Variants in SOCS5 observed in about 807,000 individuals in gnomAD.
The protein encoded by SOCS5 is CIS-6.
In SOCS5, 32 loss-of-function variants were observed where a neutral mutation model predicts 42.8. That is an observed-to-expected ratio of 0.75 (90% CI 0.56 to 1.01). The LOEUF (loss-of-function observed/expected upper bound fraction) is 1.01, where lower values mean the gene tolerates loss of function less well. SOCS5 is among the 50% of genes least tolerant of loss of function. The pLI is 0.00. For synonymous variants in SOCS5, 283 were observed against 229.6 expected (o/e 1.23, Z -2.10); for missense variants, 627 against 653.0 (o/e 0.96, Z 0.43).
intron 1 of SOCS5, among the ~76,000 whole-genome samples, chr2:46,708,069 A>G (rs974830395): frequency 1.1e-4 from 17 of 152,322 alleles, no homozygotes; most frequent in African/African-American, 3.8e-4. Flanking sequence ...TGTAATACAC[A>G]TGGCAAGGTG....
rs143623337 is a variant in SOCS5 at position 46,724,874 on chromosome 2, T to C, written c.-13+25425T>C. ...GGTAGAATGTTTTGTAGATGTCAAC[T>C]AGATACAGTTGGTTGATGGTGTTCT... On this transcript the variant is annotated intron_variant, in intron 1 of 1. Coordinates refer to ENST00000394861, the MANE Select transcript of SOCS5 (RefSeq NM_144949.3). 9.9e-4 allele frequency among the ~76,000 whole-genome samples: 150 copies of C among 152,166 alleles called. 1 individual carries two copies. The East Asian group carries it at 0.018, about 18-fold the overall frequency.
chr2:46,754,591 G>A (rs536668959), intron 1 of SOCS5, among the ~76,000 whole-genome samples: 2 of 152,096 alleles, frequency 1.3e-5, no homozygotes, highest in South Asian at 2.1e-4. Flanking sequence ...TTAGAGGACT[G>A]CACCTCTTTT....
chr2:46,727,041 C>T (rs955789890), intron 1 of SOCS5, among the ~76,000 whole-genome samples: 2 of 152,028 alleles, frequency 1.3e-5, no homozygotes, highest in African/African-American at 2.4e-5. Flanking sequence ...CAGGCATGAG[C>T]CATTGTGCCC....
chr2:46,746,095 T>C (rs1055114108), intron 1 of SOCS5, among the ~76,000 whole-genome samples: 1 of 151,978 alleles, frequency 6.6e-6, no homozygotes, highest in African/African-American at 2.4e-5. Context: ...ATCAATATTA[T>C]GAAGGATGCT....
chr2:46,756,707 A>G lies in SOCS5; in HGVS notation c.-12-1812A>G, dbSNP rs117189145. On this transcript the variant is annotated intron_variant, in intron 1 of 1. Coordinates refer to ENST00000394861, the MANE Select transcript of SOCS5 (RefSeq NM_144949.3). ...ATTTTAAAATAAATGAGAAGAAACT[A>G]GGCTAGAAAGGGGCTAGGATATTGG... Among the ~76,000 whole-genome samples, 313 of 152,352 alleles carry G rather than the reference A, an allele frequency of 2.1e-3. 1 individual carries two copies. The East Asian group carries it at 0.033, about 16-fold the overall frequency.
intron 1 of SOCS5, among the ~76,000 whole-genome samples, chr2:46,758,316 C>T (rs1257468476): frequency 6.6e-6 from 1 of 152,156 alleles, no homozygotes; most frequent in Non-Finnish European, 1.5e-5. Context: ...CTGGCTTGAA[C>T]AAGGTCAGTG....
At chr2:46,743,151 A>G (rs1457956308) in intron 1 of SOCS5, among the ~76,000 whole-genome samples, 3 of 152,044 alleles carry the variant, frequency 2.0e-5, no homozygotes, top group Non-Finnish European at 4.4e-5. Flanking sequence ...TCCACTGCAT[A>G]TATGTATTAT....
At chr2:46,737,329 A>G (rs1178915121) in intron 1 of SOCS5, among the ~76,000 whole-genome samples, 1 of 152,226 alleles carries the variant, frequency 6.6e-6, no homozygotes, top group Non-Finnish European at 1.5e-5. Flanking sequence ...TGACTGGACA[A>G]TGAGAAGAAA....
At chr2:46,727,067 T>A (rs1673013502) in intron 1 of SOCS5, among the ~76,000 whole-genome samples, 1 of 151,870 alleles carries the variant, frequency 6.6e-6, no homozygotes, top group Non-Finnish European at 1.5e-5. Flanking sequence ...AAAATTTTCA[T>A]TCTGTTCTAT....
chr2:46,736,715 G>T (rs952678477), intron 1 of SOCS5, among the ~76,000 whole-genome samples: 2 of 152,122 alleles, frequency 1.3e-5, no homozygotes, highest in East Asian at 3.9e-4. Flanking sequence ...GTTTGTCCAT[G>T]CATATGTTGA....
intron 1 of SOCS5, among the ~76,000 whole-genome samples, chr2:46,752,237 A>G (rs924071185): frequency 2.6e-5 from 4 of 151,364 alleles, no homozygotes; most frequent in African/African-American, 9.7e-5. Flanking sequence ...GCAGCATTAG[A>G]TGCTCATAGG....
chr2:46,744,503 A>G (rs971434450), intron 1 of SOCS5, among the ~76,000 whole-genome samples: 2 of 151,828 alleles, frequency 1.3e-5, no homozygotes, highest in African/African-American at 4.8e-5. Context: ...ATATTTCCAA[A>G]CTAGTTCTTT....
Position 46,729,516 on chromosome 2 carries a change from A to T in SOCS5, c.-12-29003A>T, listed in dbSNP as rs543381086. 2.0e-5 allele frequency among the ~76,000 whole-genome samples: 3 copies of T among 152,344 alleles called. No homozygotes were observed. The South Asian group carries it at 6.2e-4, about 32-fold the overall frequency. ...ACCTGTATAGCCTGTTACTGTACTG[A>T]ATACTCTAGACAGTTGTATCACAAT... On this transcript the variant is annotated intron_variant, in intron 1 of 1. Coordinates refer to ENST00000394861, the MANE Select transcript of SOCS5 (RefSeq NM_144949.3).
rs56033619 is a variant in SOCS5 at position 46,756,637 on chromosome 2, G to C, written c.-12-1882G>C. On this transcript the variant is annotated intron_variant, in intron 1 of 1. Coordinates refer to ENST00000394861, the MANE Select transcript of SOCS5 (RefSeq NM_144949.3). ...TGTTAAGAGTCTTGTAGTGACATTT[G>C]ACCTTGAAACTACAAATATATGAAT... 9.1e-3 allele frequency among the ~76,000 whole-genome samples: 1,386 copies of C among 152,218 alleles called. 15 individuals are homozygous for C. Among genetic ancestry groups the C allele is most frequent in the Middle Eastern group, 0.024 (7 of 294 alleles).
Position 46,759,795 on chromosome 2 carries a change from A to G in SOCS5, c.1265A>G (p.Tyr422Cys), listed in dbSNP as rs1673820647. 3.1e-6 allele frequency: 5 copies of G among 1,614,196 alleles called. No individual in the cohort carries two copies. The highest frequency in any genetic ancestry group is 2.2e-5 in the East Asian group (1 of 44,876). The change falls in exon 2 of 2, where the codon TAC (tyrosine) becomes TGC (cysteine). Residue 422 changes from tyrosine (Y) to cysteine (C), a missense_variant. Physicochemically the swap from Tyr to Cys is radical, Grantham distance 194 (BLOSUM62 -2). Transcript: ENST00000394861. ...DYLFSVSFRR[Y>C]NRSLHARIEQ... Reference sequence around the variant, plus strand: ...CTCTTCTCTGTGAGCTTCCGCCGCTACAACAGATCCCTGCATGCCCGAATT... The same window carrying G: ...CTCTTCTCTGTGAGCTTCCGCCGCTGCAACAGATCCCTGCATGCCCGAATT...
rs563836237 is a variant in SOCS5 at position 46,742,323 on chromosome 2, A to T, written c.-12-16196A>T. On this transcript the variant is annotated intron_variant, in intron 1 of 1. Transcript: ENST00000394861. ...GGACTTTGAGGTCCTGGGCTCAAGCAAGCATCCTCTCCATACCCCCACCCC... is the reference window on the plus strand; with the variant it reads ...GGACTTTGAGGTCCTGGGCTCAAGCTAGCATCCTCTCCATACCCCCACCCC... Among the ~76,000 whole-genome samples the T allele has an allele frequency of 4.6e-5, 7 of 151,894 alleles. No individual in the cohort carries two copies. The East Asian group carries it at 1.4e-3, about 29-fold the overall frequency.
At chr2:46,718,831 A>T (rs913513172) in intron 1 of SOCS5, among the ~76,000 whole-genome samples, 1 of 152,232 alleles carries the variant, frequency 6.6e-6, no homozygotes, top group Non-Finnish European at 1.5e-5. Flanking sequence ...AGTATTGGCA[A>T]ATATCTTGCT....
intron 1 of SOCS5, among the ~76,000 whole-genome samples, chr2:46,714,565 T>A (rs909534211): frequency 3.9e-5 from 6 of 152,336 alleles, no homozygotes; most frequent in African/African-American, 1.4e-4. Flanking sequence ...GGGTCTCACT[T>A]TTTTTATCTA....
In SOCS5 at chr2:46,762,694, T is replaced by C. The variant is rs952795508; in HGVS notation, c.*2553T>C. ...TAAGTCTATATTCACTGTGTCCTTT[T>C]CTGAATCCCATTGTAGCCTGTCAAC... On this transcript the variant is annotated 3_prime_UTR_variant, in exon 2 of 2. Coordinates refer to ENST00000394861, the MANE Select transcript of SOCS5 (RefSeq NM_144949.3). 1.2e-5 allele frequency: 2 copies of C among 166,438 alleles called. No individual in the cohort carries two copies. 10.3% of individuals were successfully genotyped at this position (166,438 alleles called of 1,614,324 possible). A position where few individuals can be genotyped will look rare whatever the true frequency, so the allele number is the denominator to read the frequency against.
Sources: allele counts gnomAD v4.1 joint callset (sites outside exome capture counted in the v4.1 genomes callset), GRCh38; gene constraint gnomAD v4.1.1; transcripts MANE v1.5; gene names NCBI Gene and HGNC (gene_info 2026-07-23, HGNC 2026-07-21).